The following SEL1L2 variants were observed in gnomAD, a reference collection of about 807,000 sequenced individuals.
SEL1L2 encodes the protein SEL1L2 adaptor subunit of SYVN1 ubiquitin ligase, also known as protein sel-1 homolog 2.
SEL1L2 carries 89 observed loss-of-function variants against 98.8 expected under a neutral mutation model. The ratio of observed to expected loss-of-function variants is 0.90; its 90% CI spans 0.76 to 1.07. The LOEUF is 1.07. SEL1L2 is among the 50% of genes least tolerant of loss of function. SEL1L2 has a pLI of 0.00. For synonymous variants in SEL1L2, 262 were observed against 278.5 expected (o/e 0.94, Z 0.59); for missense variants, 788 against 812.0 (o/e 0.97, Z 0.36).
chr20:13,907,293 G>C (rs1470811103), intron 5 of SEL1L2, among the ~76,000 whole-genome samples: 1 of 152,254 alleles, frequency 6.6e-6, no homozygotes, highest in African/African-American at 2.4e-5. Context: ...AAAGAAAATA[G>C]GTGGCTCATG....
At position 13,849,451 on chromosome 20, in the gene SEL1L2, A is replaced by G. The variant is rs1987841166; in HGVS notation, c.*34T>C. 6.2e-7 allele frequency: 1 copy of G among 1,610,540 alleles called. No individual in the cohort carries two copies. Among genetic ancestry groups the G allele is most frequent in the Non-Finnish European group, 8.5e-7 (1 of 1,178,020 alleles). ...AGTGGGGATACCTTGGAGTGAACTG[A>G]TTCCCGTGAGCAGGTTTTCCTGTGA... On this transcript the variant is annotated 3_prime_UTR_variant, in exon 20 of 20. Transcript: ENST00000284951.
At chr20:13,870,753 T>C (rs1172100750) in intron 12 of SEL1L2, among the ~76,000 whole-genome samples, 1 of 151,868 alleles carries the variant, frequency 6.6e-6, no homozygotes. Context: ...TGAAACCCTG[T>C]CTCTACTAAA....
chr20:13,850,027 G>A (rs911875939), intron 19 of SEL1L2, 164 bp downstream of exon 19: 6 of 697,082 alleles, frequency 8.6e-6, no homozygotes, highest in Non-Finnish European at 1.4e-5. Flanking sequence ...ATACTCAATA[G>A]AACATGCAGA....
chr20:13,934,433 C>CAT (rs61390054), intron 2 of SEL1L2, among the ~76,000 whole-genome samples: 4 of 26,484 alleles, frequency 1.5e-4, no homozygotes, highest in Admixed American at 4.2e-4. Context: ...ATATATATTC[C>CAT]ATATATATAT....
chr20:13,927,995 TAC>T (rs1384372556), intron 3 of SEL1L2: 1 of 152,226 alleles, frequency 6.6e-6, no homozygotes, highest in Non-Finnish European at 1.5e-5. Flanking sequence ...TTATGAGGAA[TAC>T]ACATTTTATC....
Position 13,858,262 on chromosome 20 carries a change from C to T in SEL1L2, c.1818+1000G>A, listed in dbSNP as rs186841290. Among the ~76,000 whole-genome samples the T allele has an allele frequency of 5.3e-5, 8 of 152,200 alleles. No homozygotes were observed. The East Asian group carries it at 5.8e-4, about 11-fold the overall frequency. ...CTAGCACAACCGGAAGAAAGAAGAG[C>T]GCATAGGAAAGCCGATAATTCCCAC... On this transcript the variant is annotated intron_variant, in intron 18 of 19. Transcript: ENST00000284951.
chr20:13,850,000 C>T (rs1461761743), intron 19 of SEL1L2, 191 bp downstream of exon 19: 2 of 614,632 alleles, frequency 3.3e-6, no homozygotes, highest in Admixed American at 3.0e-5. Flanking sequence ...ATTGCTTATA[C>T]TCTGAAGTGT....
At chr20:13,915,155 T>C (rs1298343480) in intron 4 of SEL1L2, 7 of 1,289,676 alleles carry the variant, frequency 5.4e-6, no homozygotes, top group Non-Finnish European at 7.1e-6. Context: ...GAGGCTAAAA[T>C]AAGCTGCTCT....
At chr20:13,990,438 G>C in intron 1 of SEL1L2, 39 bp downstream of exon 1, 1 of 1,417,504 alleles carries the variant, frequency 7.1e-7, no homozygotes, top group Non-Finnish European at 1.0e-6. Context: ...GCAAAGAGAA[G>C]AGACCCTCAT....
At position 13,935,077 on chromosome 20, in the gene SEL1L2, C is replaced by T. The variant is rs138302458; in HGVS notation, c.115-3306G>A. Among the ~76,000 whole-genome samples, 20 of 152,312 alleles carry T rather than the reference C, an allele frequency of 1.3e-4. No individual in the cohort carries two copies. In the East Asian group the frequency reaches 3.5e-3, roughly 26 times the overall value. On this transcript the variant is annotated intron_variant, in intron 2 of 19. Transcript: ENST00000284951. ...GTACAAGTTTGGCAAATGCCTGTGA[C>T]TGTCTGATGTTTCTACTGGCTTCTT...
chr20:13,913,490 T>A (rs767081361), intron 5 of SEL1L2: 2 of 232,492 alleles, frequency 8.6e-6, no homozygotes, highest in Non-Finnish European at 1.6e-5. Flanking sequence ...ACATTTAGCT[T>A]ATAAAATATT....
At chr20:13,964,495 C>T (rs1440519946) in intron 1 of SEL1L2, among the ~76,000 whole-genome samples, 1 of 149,302 alleles carries the variant, frequency 6.7e-6, no homozygotes, top group East Asian at 2.0e-4. Context: ...TCTTGTTGCC[C>T]AGGCTGGAGT....
intron 2 of SEL1L2, among the ~76,000 whole-genome samples, chr20:13,945,172 T>G (rs2049953336): frequency 1.3e-5 from 2 of 152,180 alleles, no homozygotes; most frequent in Non-Finnish European, 2.9e-5. Flanking sequence ...CCTGCAATGT[T>G]AGCTGCAATT....
At chr20:13,894,055 G>A (rs568472294) in intron 5 of SEL1L2, among the ~76,000 whole-genome samples, 1 of 152,090 alleles carries the variant, frequency 6.6e-6, no homozygotes, top group Non-Finnish European at 1.5e-5. Flanking sequence ...TAAGAGGGAA[G>A]TTTAGAGCAG....
intron 18 of SEL1L2, among the ~76,000 whole-genome samples, chr20:13,851,071 T>C (rs1404529550): frequency 1.3e-5 from 2 of 152,076 alleles, no homozygotes; most frequent in African/African-American, 2.4e-5. Flanking sequence ...ACCCTGTCCC[T>C]ACTAAAAATG....
chr20:13,985,647 C>T (rs2148573257), intron 1 of SEL1L2, among the ~76,000 whole-genome samples: 1 of 152,222 alleles, frequency 6.6e-6, no homozygotes, highest in East Asian at 1.9e-4. Context: ...TTCTTATATC[C>T]CCAATACTCC....
intron 2 of SEL1L2, among the ~76,000 whole-genome samples, chr20:13,939,908 C>A (rs2049671966): frequency 6.6e-6 from 1 of 152,150 alleles, no homozygotes; most frequent in Non-Finnish European, 1.5e-5. Flanking sequence ...CTCAGGTGAT[C>A]CACCTGCCTC....
chr20:13,976,425 G>A (rs1175683881), intron 1 of SEL1L2, among the ~76,000 whole-genome samples: 2 of 152,080 alleles, frequency 1.3e-5, no homozygotes, highest in Admixed American at 1.3e-4. Flanking sequence ...GAAGAAGATC[G>A]GATGACAGCC....
At chr20:13,984,232 G>C (rs143264454) in intron 1 of SEL1L2, among the ~76,000 whole-genome samples, 4 of 150,828 alleles carry the variant, frequency 2.7e-5, no homozygotes, top group Admixed American at 2.0e-4. Flanking sequence ...GGCTTGTCTC[G>C]AACTCCTGAC....
Sources: gnomAD v4.1 joint callset for allele counts (sites outside exome capture counted in the v4.1 genomes callset) on GRCh38, gnomAD v4.1.1 for gene constraint, MANE v1.5 for transcripts, NCBI Gene and HGNC (gene_info 2026-07-23, HGNC 2026-07-21) for gene names.